The following SLC39A10 variants were observed in gnomAD, a reference collection of about 807,000 sequenced individuals.
The protein encoded by SLC39A10 is solute carrier family 39 member 10, also known as zinc transporter ZIP10.
SLC39A10 carries 13 observed loss-of-function variants against 65.1 expected under a neutral mutation model. That is an observed-to-expected ratio of 0.20 (90% CI 0.13 to 0.32). The LOEUF is 0.32. Among genes scored for constraint, SLC39A10 ranks in the 10% least tolerant of loss-of-function variants. The probability of loss-of-function intolerance (pLI) is 1.00; values close to 1 mark genes in which losing one functional copy is unlikely to be tolerated. For missense variants in SLC39A10, 831 were observed against 1,018.4 expected (o/e 0.82, Z 2.50); for synonymous variants, 321 against 342.2 (o/e 0.94, Z 0.68).
At chr2:195,632,002 C>T (rs536158826) in intron 2 of SLC39A10, among the ~76,000 whole-genome samples, 17 of 152,220 alleles carry the variant, frequency 1.1e-4, no homozygotes, top group Admixed American at 6.5e-4. Flanking sequence ...AATCCTCCCA[C>T]CTCAGCCTTC....
In SLC39A10 at chr2:195,736,871, G is replaced by GTGA. The variant is rs1445795901; in HGVS notation, c.*1832_*1834dup. 3.2e-5 allele frequency: 4 copies of GTGA among 126,620 alleles called. No individual in the cohort carries two copies. The highest frequency in any genetic ancestry group is 5.7e-5 in the Non-Finnish European group (3 of 53,028). The allele number at this position is 126,620 out of a possible 1,614,324, so 7.8% of individuals were successfully genotyped here. On this transcript the variant is annotated 3_prime_UTR_variant, in exon 10 of 10. Transcript: ENST00000359634. ...TTTTATTTAGTACTGCCAACTTCAA[G>GTGA]TGATTTAGATATCTATCTATCTAGA...
At position 195,716,859 on chromosome 2, in the gene SLC39A10, A is replaced by C. The variant is rs766787401; in HGVS notation, c.1919A>C (p.Asn640Thr). Residue 640 changes from asparagine (N) to threonine (T), a missense_variant, in exon 7 of 10, where the codon AAT becomes ACT. By Grantham distance (65) the Asn-to-Thr change is moderately conservative. Transcript: ENST00000359634. ...GENKTVLRKHNHQWHHKHSHH... is the reference protein window; with the variant it reads ...GENKTVLRKHTHQWHHKHSHH... ...AACAAAACTGTGCTGAGGAAGCATA[A>C]TCACCAGTGGCACCACAAGCATTCT... is the stretch of plus-strand genomic sequence containing the variant. 2.5e-6 allele frequency: 4 copies of C among 1,614,192 alleles called. No homozygotes were observed. The Admixed American group carries it at 6.7e-5, about 27-fold the overall frequency.
intron 1 of SLC39A10, among the ~76,000 whole-genome samples, chr2:195,666,173 ATT>A (rs1689627990): frequency 6.6e-6 from 1 of 152,208 alleles, no homozygotes; most frequent in Non-Finnish European, 1.5e-5. Context: ...TAAAAAATTA[ATT>A]GGACAGAAAG....
chr2:195,655,698 T>C (rs555625385), upstream of SLC39A10, among the ~76,000 whole-genome samples: 7 of 152,300 alleles, frequency 4.6e-5, no homozygotes, highest in South Asian at 1.5e-3. Context: ...AGGCTTAATC[T>C]CTTTTCTCCA....
chr2:195,656,733 C>T (rs558260361), upstream of SLC39A10: 1 of 152,334 alleles, frequency 6.6e-6, no homozygotes, highest in African/African-American at 2.4e-5. Flanking sequence ...AACTCGTATA[C>T]AGATGAACAT....
At chr2:195,689,613 T>C (rs1010926587) in intron 3 of SLC39A10, among the ~76,000 whole-genome samples, 4 of 152,172 alleles carry the variant, frequency 2.6e-5, no homozygotes, top group African/African-American at 9.7e-5. Flanking sequence ...TTTGGTGATA[T>C]TAAATACATT....
At chr2:195,628,818 T>C (rs1195190185) in intron 2 of SLC39A10, among the ~76,000 whole-genome samples, 1 of 152,192 alleles carries the variant, frequency 6.6e-6, no homozygotes, top group Non-Finnish European at 1.5e-5. Flanking sequence ...TCTTAAGCAA[T>C]GTTATCCAGT....
At chr2:195,629,141 C>G (rs1378587306) in intron 2 of SLC39A10, among the ~76,000 whole-genome samples, 2 of 152,114 alleles carry the variant, frequency 1.3e-5, no homozygotes, top group African/African-American at 4.8e-5. Flanking sequence ...GTAATCCCAG[C>G]ACTTTGGGAG....
At chr2:195,651,597 C>G (rs1004486918) in intron 2 of SLC39A10, among the ~76,000 whole-genome samples, 2 of 152,148 alleles carry the variant, frequency 1.3e-5, no homozygotes, top group Non-Finnish European at 2.9e-5. Context: ...GCTTCAGCCT[C>G]CCAAGTAGCT....
At chr2:195,637,805 A>C (rs960428074) in intron 2 of SLC39A10, among the ~76,000 whole-genome samples, 1 of 152,210 alleles carries the variant, frequency 6.6e-6, no homozygotes, top group African/African-American at 2.4e-5. Flanking sequence ...ACCTTTAAAA[A>C]AGATTGAGCT....
At chr2:195,721,836 T>C (rs774399679) in intron 8 of SLC39A10, among the ~76,000 whole-genome samples, 2 of 152,182 alleles carry the variant, frequency 1.3e-5, no homozygotes, top group Admixed American at 6.5e-5. Flanking sequence ...ACCTGGTAAA[T>C]GGAGTGTCAG....
At chr2:195,660,802 G>A (rs1689363921) in intron 1 of SLC39A10, among the ~76,000 whole-genome samples, 1 of 152,132 alleles carries the variant, frequency 6.6e-6, no homozygotes, top group East Asian at 1.9e-4. Flanking sequence ...TTTAATCTGG[G>A]CTTCTCCTTA....
At chr2:195,677,024 ATGT>A (rs1690117656) in intron 1 of SLC39A10, among the ~76,000 whole-genome samples, 1 of 152,202 alleles carries the variant, frequency 6.6e-6, no homozygotes, top group Non-Finnish European at 1.5e-5. Context: ...AAACCATACA[ATGT>A]TGTTTATAAT....
intron 2 of SLC39A10, among the ~76,000 whole-genome samples, chr2:195,614,074 C>T (rs1250822084): frequency 6.6e-6 from 1 of 152,110 alleles, no homozygotes; most frequent in African/African-American, 2.4e-5. Flanking sequence ...CTGAGTCATC[C>T]ACACTTTTAT....
At chr2:195,700,200 T>A (rs918785326) in intron 3 of SLC39A10, among the ~76,000 whole-genome samples, 1 of 152,258 alleles carries the variant, frequency 6.6e-6, no homozygotes, top group Non-Finnish European at 1.5e-5. Flanking sequence ...ATTGGAGAGT[T>A]TAATCCATTT....
At chr2:195,716,406 A>T (rs1459021972) in intron 6 of SLC39A10, among the ~76,000 whole-genome samples, 2 of 151,980 alleles carry the variant, frequency 1.3e-5, no homozygotes, top group East Asian at 3.8e-4. Flanking sequence ...CCCCAAACCC[A>T]ATTTCTTCTT....
At chr2:195,706,585 C>T (rs748071302) in intron 3 of SLC39A10, 31 bp from the exon 4 acceptor site, 3 of 1,586,882 alleles carry the variant, frequency 1.9e-6, no homozygotes, top group Non-Finnish European at 2.6e-6. Context: ...AATTGTTATA[C>T]TAATGTTGAC....
chr2:195,631,842 A>G (rs1482596201), intron 2 of SLC39A10, among the ~76,000 whole-genome samples: 2 of 152,188 alleles, frequency 1.3e-5, no homozygotes, highest in African/African-American at 2.4e-5. Context: ...TTTGTGTAAC[A>G]TAATATTTAT....
intron 2 of SLC39A10, among the ~76,000 whole-genome samples, chr2:195,645,092 A>G (rs1037669012): frequency 5.3e-5 from 8 of 151,966 alleles, no homozygotes; most frequent in Non-Finnish European, 1.2e-4. Flanking sequence ...TATTTTTAGT[A>G]GAGACGTGGT....
Sources: gnomAD v4.1 joint callset for allele counts (sites outside exome capture counted in the v4.1 genomes callset) on GRCh38, gnomAD v4.1.1 for gene constraint, MANE v1.5 for transcripts, NCBI Gene and HGNC (gene_info 2026-07-23, HGNC 2026-07-21) for gene names.